UNC13B: variants seen among roughly 807,000 people sequenced by gnomAD.
The protein encoded by UNC13B is protein unc-13 homolog B.
In UNC13B, 144 loss-of-function variants were observed where a neutral mutation model predicts 211.0. The ratio of observed to expected loss-of-function variants is 0.68; its 90% confidence interval spans 0.60 to 0.78. The LOEUF (loss-of-function observed/expected upper bound fraction) is 0.78, where lower values mean the gene tolerates loss of function less well. Ranked by LOEUF, UNC13B falls within the 30% of genes least tolerant of loss-of-function variation. The pLI, the probability that UNC13B is intolerant of heterozygous loss-of-function variation, is 0.00. For synonymous variants in UNC13B, 709 were observed against 725.8 expected, an observed-to-expected ratio of 0.98 and a Z score of 0.37; for missense variants, 1,777 against 2,002.0, an observed-to-expected ratio of 0.89 and a Z score of 2.14.
At chr9:35,401,168 A>G (rs2132383443) in intron 37 of UNC13B, among the ~76,000 whole-genome samples, 1 of 152,254 alleles carries the variant, frequency 6.6e-6, no homozygotes, top group South Asian at 2.1e-4. Flanking sequence ...GCTTGTTCCA[A>G]GGAAACCTGA....
chr9:35,210,550 G>T (rs1015185943), intron 1 of UNC13B, among the ~76,000 whole-genome samples: 4 of 149,786 alleles, frequency 2.7e-5, no homozygotes, highest in African/African-American at 9.9e-5. Flanking sequence ...TTGAGACAGA[G>T]TCTCACTTAG....
chr9:35,193,374 T>A (rs1392136221), intron 1 of UNC13B, among the ~76,000 whole-genome samples: 1 of 151,994 alleles, frequency 6.6e-6, no homozygotes, highest in Non-Finnish European at 1.5e-5. Context: ...AGGGGCTGAG[T>A]GTGGTGGCTC....
intron 7 of UNC13B, among the ~76,000 whole-genome samples, chr9:35,289,435 G>A (rs1433856650): frequency 6.6e-6 from 1 of 152,074 alleles, no homozygotes. Flanking sequence ...TTATTTATTA[G>A]GACTCTGTAA....
chr9:35,169,741 A>G (rs148968762), intron 1 of UNC13B, among the ~76,000 whole-genome samples: 2 of 152,294 alleles, frequency 1.3e-5, no homozygotes, highest in African/African-American at 2.4e-5. Flanking sequence ...CTGCTATGCT[A>G]TTGTTATAAA....
In UNC13B at chr9:35,304,677, T is replaced by G; in HGVS notation, c.5273T>G (p.Leu1758Trp). The change falls in exon 9 of 40, where the codon TTG (leucine) becomes TGG (tryptophan). Residue 1758 changes from leucine to tryptophan, a missense_variant. Transcript: ENST00000635942. The part of the protein sequence containing the change: ...VNKVASVFSV[L>W]GASVGSTLKF... ...AAAGTGGCTTCAGTATTTTCTGTTTTGGGTGCCTCAGTTGGTAGTACTTTG... is the reference window on the plus strand; with the variant it reads ...AAAGTGGCTTCAGTATTTTCTGTTTGGGGTGCCTCAGTTGGTAGTACTTTG... 1 of 398,888 alleles carries G rather than the reference T, an allele frequency of 2.5e-6. No homozygotes were observed. Among genetic ancestry groups the G allele is most frequent in the Non-Finnish European group, 4.4e-6 (1 of 225,970 alleles). 24.7% of individuals were successfully genotyped at this position (398,888 alleles called of 1,614,324 possible).
intron 6 of UNC13B, among the ~76,000 whole-genome samples, chr9:35,253,887 T>G (rs1472901182): frequency 6.6e-6 from 1 of 152,250 alleles, no homozygotes; most frequent in East Asian, 1.9e-4. Flanking sequence ...CTAAATTGCT[T>G]TCTGAAGTGA....
At chr9:35,377,346 G>A (rs983992819) in intron 15 of UNC13B, 122 bp from the exon 16 acceptor site, 2 of 1,027,568 alleles carry the variant, frequency 1.9e-6, no homozygotes, top group African/African-American at 3.2e-5. Flanking sequence ...CTTAATTGCT[G>A]AGAACTAGCA....
chr9:35,378,355 C>G lies in UNC13B; in HGVS notation c.10124C>G (p.Thr3375Ser), dbSNP rs763452316. 3.1e-6 allele frequency: 5 copies of G among 1,614,168 alleles called. No homozygotes were observed. The highest frequency in any genetic ancestry group is 4.2e-6 in the Non-Finnish European group (5 of 1,180,024). ...ACAGGATCCAGTGACCCTTACGTGA[C>G]TGTGCAAGTCAGCAAAACTAAGAAG... ...DKTGSSDPYV[T>S]VQVSKTKKRT... Residue 3375 changes from threonine to serine, a missense_variant, in exon 17 of 40, where the codon ACT (threonine) becomes AGT (serine). By Grantham distance (58) the Thr-to-Ser change is moderately conservative. Coordinates refer to ENST00000635942, the MANE Select transcript of UNC13B (RefSeq NM_001371189.2).
intron 11 of UNC13B, among the ~76,000 whole-genome samples, chr9:35,332,005 A>G (rs990818015): frequency 6.6e-6 from 1 of 151,136 alleles, no homozygotes; most frequent in African/African-American, 2.4e-5. Flanking sequence ...TTTTTTTTGA[A>G]CGGAGTCTTG....
At chr9:35,376,378 T>A in intron 15 of UNC13B, 131 bp downstream of exon 15, 1 of 919,782 alleles carries the variant, frequency 1.1e-6, no homozygotes, top group Non-Finnish European at 1.6e-6. Context: ...CCTATCCATT[T>A]CAGAGAAGGT....
chr9:35,163,936 T>A (rs975050368), intron 1 of UNC13B, among the ~76,000 whole-genome samples: 1 of 152,242 alleles, frequency 6.6e-6, no homozygotes, highest in African/African-American at 2.4e-5. Context: ...AGGTACCTTA[T>A]ATGCAGATAT....
chr9:35,310,555 G>C lies in UNC13B; in HGVS notation c.9097G>C (p.Asp3033His). The change falls in exon 10 of 40, where the codon GAT becomes CAT. Residue 3033 changes from aspartate to histidine, a missense_variant. By Grantham distance (81) the Asp-to-His change is moderately conservative (BLOSUM62 -1). Transcript: ENST00000635942. ...LSELDQYHEQ[D>H]DDHRETDSIH... ...TGAACTAGACCAGTATCACGAACAA[G>C]ATGACGACCATCGGGAGACGGACTC... 6.2e-7 allele frequency: 1 copy of C among 1,614,140 alleles called. No individual in the cohort carries two copies. The highest frequency in any genetic ancestry group is 1.1e-5 in the South Asian group (1 of 91,072).
intron 11 of UNC13B, among the ~76,000 whole-genome samples, chr9:35,340,119 G>T (rs562948431): frequency 6.6e-6 from 1 of 152,268 alleles, no homozygotes; most frequent in Non-Finnish European, 1.5e-5. Context: ...CAGTAAATTG[G>T]CTGTGACTTC....
intron 7 of UNC13B, among the ~76,000 whole-genome samples, chr9:35,279,920 T>G (rs1298105103): frequency 6.6e-6 from 1 of 152,022 alleles, no homozygotes; most frequent in East Asian, 1.9e-4. Flanking sequence ...ATTCACTGAG[T>G]CTCCTTTCTG....
chr9:35,200,075 C>T (rs1409904177), intron 1 of UNC13B, among the ~76,000 whole-genome samples: 1 of 152,140 alleles, frequency 6.6e-6, no homozygotes, highest in African/African-American at 2.4e-5. Context: ...CCAGTTTTCC[C>T]AGCACCATTT....
chr9:35,356,454 C>T (rs1349057317), intron 11 of UNC13B, among the ~76,000 whole-genome samples: 1 of 151,942 alleles, frequency 6.6e-6, no homozygotes, highest in East Asian at 1.9e-4. Flanking sequence ...TCTTTTATTC[C>T]TGTCACTCCA....
chr9:35,290,010 C>T (rs1029269806), intron 7 of UNC13B, among the ~76,000 whole-genome samples: 1 of 151,962 alleles, frequency 6.6e-6, no homozygotes, highest in African/African-American at 2.4e-5. Context: ...AATTATGAAG[C>T]TATTTACTTC....
At chr9:35,207,852 T>C (rs1324375068) in intron 1 of UNC13B, among the ~76,000 whole-genome samples, 1 of 152,238 alleles carries the variant, frequency 6.6e-6, no homozygotes, top group Admixed American at 6.5e-5. Flanking sequence ...AGTTTTAATT[T>C]TGATGAAGAC....
At chr9:35,347,088 C>T (rs1457540611) in intron 11 of UNC13B, among the ~76,000 whole-genome samples, 2 of 151,978 alleles carry the variant, frequency 1.3e-5, no homozygotes, top group East Asian at 3.9e-4. Flanking sequence ...TTTGTAGAGA[C>T]GTGATCTCCC....
Sources: gnomAD v4.1 joint callset for allele counts (sites outside exome capture counted in the v4.1 genomes callset) on GRCh38, gnomAD v4.1.1 for gene constraint, MANE v1.5 for transcripts, NCBI Gene and HGNC (gene_info 2026-07-23, HGNC 2026-07-21) for gene names.